The following CDH8 variants were observed in gnomAD, a reference collection of about 807,000 sequenced individuals.
CDH8 encodes the protein cadherin 8.
In CDH8, 17 loss-of-function variants were observed where a neutral mutation model predicts 68.1. The ratio of observed to expected loss-of-function variants is 0.25; its 90% CI spans 0.17 to 0.37. The LOEUF is 0.37. CDH8 is among the 10% of genes least tolerant of loss of function. The pLI, the probability that CDH8 is intolerant of heterozygous loss-of-function variation, is 1.00. For synonymous variants in CDH8, 372 were observed against 365.1 expected, an observed-to-expected ratio of 1.02 and a Z score of -0.21; for missense variants, 763 against 999.3, an observed-to-expected ratio of 0.76 and a Z score of 3.19.
intron 10 of CDH8, among the ~76,000 whole-genome samples, chr16:61,661,294 A>G (rs1963552566): frequency 2.0e-5 from 3 of 151,892 alleles, no homozygotes; most frequent in South Asian, 2.1e-4. Flanking sequence ...TATAATAAAT[A>G]TTCTTGTTAA....
intron 5 of CDH8, among the ~76,000 whole-genome samples, chr16:61,822,862 G>A (rs1030179443): frequency 1.3e-5 from 2 of 151,824 alleles, no homozygotes; most frequent in African/African-American, 4.8e-5. Context: ...CCAAGCAAAT[G>A]GAACATTCTT....
intron 2 of CDH8, among the ~76,000 whole-genome samples, chr16:61,999,447 G>A (rs1204483802): frequency 6.6e-6 from 1 of 152,066 alleles, no homozygotes; most frequent in African/African-American, 2.4e-5. Flanking sequence ...TCCACACAGA[G>A]AGCACGAAGA....
intron 8 of CDH8, among the ~76,000 whole-genome samples, chr16:61,763,717 A>G (rs1960521922): frequency 6.6e-6 from 1 of 152,110 alleles, no homozygotes; most frequent in African/African-American, 2.4e-5. Flanking sequence ...ATTCACATAG[A>G]GTAGATAGAT....
chr16:61,801,154 G>A (rs1465421692), intron 7 of CDH8, among the ~76,000 whole-genome samples: 1 of 149,750 alleles, frequency 6.7e-6, no homozygotes, highest in East Asian at 1.9e-4. Context: ...TTCTTTTTTT[G>A]TTTCTCTCTC....
chr16:61,867,202 G>A (rs766277055), intron 3 of CDH8, among the ~76,000 whole-genome samples: 11 of 152,100 alleles, frequency 7.2e-5, no homozygotes, highest in African/African-American at 2.4e-4. Context: ...TAACTGACAC[G>A]AAATATAATA....
chr16:61,738,736 T>C (rs1014388640), intron 8 of CDH8, among the ~76,000 whole-genome samples: 4 of 152,170 alleles, frequency 2.6e-5, no homozygotes, highest in South Asian at 2.1e-4. Flanking sequence ...TATTTAAGTA[T>C]GCTTACAAAT....
intron 2 of CDH8, among the ~76,000 whole-genome samples, chr16:61,907,619 C>A (rs1366029264): frequency 6.6e-6 from 1 of 150,690 alleles, no homozygotes; most frequent in African/African-American, 2.4e-5. Flanking sequence ...GTCAAGGCTG[C>A]AGTAAGCCAT....
At chr16:61,861,931 T>G (rs1963157674) in intron 3 of CDH8, among the ~76,000 whole-genome samples, 1 of 152,186 alleles carries the variant, frequency 6.6e-6, no homozygotes, top group Non-Finnish European at 1.5e-5. Flanking sequence ...ACTAACAAAC[T>G]AATCTTTTAC....
At chr16:61,890,326 G>A (rs78839317) in intron 3 of CDH8, among the ~76,000 whole-genome samples, 192 of 152,084 alleles carry the variant, frequency 1.3e-3, no homozygotes, top group African/African-American at 4.5e-3. Context: ...CTGTGAATAG[G>A]CCTGGGAGCT....
rs150698383 is a variant in CDH8, at chr16:62,030,653, G to GA, written c.-200+5426dup. Among the ~76,000 whole-genome samples the GA allele has an allele frequency of 8.7e-3, 1,317 of 152,042 alleles. 18 individuals carry two copies. Among genetic ancestry groups the GA allele is most frequent in the African/African-American group, 0.029 (1,223 of 41,474 alleles). ...TTTTATTCATTAATCTATCTAGAGA[G>GA]AAAAAGACATGGAAAATATTGTTCT... On this transcript the variant is annotated intron_variant, in intron 1 of 11. Transcript: ENST00000577390.
chr16:61,653,569 C>A lies in CDH8; in HGVS notation c.*39G>T. 6.4e-7 allele frequency: 1 copy of A among 1,560,746 alleles called. No individual in the cohort carries two copies. The highest frequency in any genetic ancestry group is 8.6e-7 in the Non-Finnish European group (1 of 1,156,350). ...TAAGGGGAGTGACCCTAGAATATTA[C>A]AGAATGCTCAGTTCCAGTGATTTAT... On this transcript the variant is annotated 3_prime_UTR_variant, in exon 12 of 12. Coordinates refer to ENST00000577390, the MANE Select transcript of CDH8 (RefSeq NM_001796.5).
chr16:61,831,495 C>G (rs1275615474), intron 4 of CDH8, among the ~76,000 whole-genome samples: 1 of 151,814 alleles, frequency 6.6e-6, no homozygotes, highest in Non-Finnish European at 1.5e-5. Context: ...CTAAGTTCCT[C>G]TTAGTGCTCA....
At chr16:61,733,944 ATAT>A (rs953242960) in intron 8 of CDH8, among the ~76,000 whole-genome samples, 14 of 152,104 alleles carry the variant, frequency 9.2e-5, no homozygotes, top group African/African-American at 2.6e-4. Flanking sequence ...CTTAAATAAT[ATAT>A]TATTTTTATT....
intron 3 of CDH8, among the ~76,000 whole-genome samples, chr16:61,894,106 C>T (rs534171761): frequency 1.3e-5 from 2 of 152,240 alleles, no homozygotes; most frequent in African/African-American, 4.8e-5. Flanking sequence ...GCAAACACTT[C>T]CTTCATGAAG....
At chr16:61,836,641 G>C (rs1430091195) in intron 4 of CDH8, among the ~76,000 whole-genome samples, 1 of 151,976 alleles carries the variant, frequency 6.6e-6, no homozygotes, top group Non-Finnish European at 1.5e-5. Context: ...CAGGGAGGGA[G>C]TGTCTTCATT....
At chr16:61,710,676 A>G (rs142949532) in intron 10 of CDH8, 1 of 152,106 alleles carries the variant, frequency 6.6e-6, no homozygotes, top group Admixed American at 6.5e-5. Context: ...TACACACATG[A>G]TTTAAAAATT....
At chr16:61,960,780 C>T (rs1965140760) in intron 2 of CDH8, among the ~76,000 whole-genome samples, 1 of 152,146 alleles carries the variant, frequency 6.6e-6, no homozygotes, top group Admixed American at 6.6e-5. Context: ...CGTGGGCAAA[C>T]TGAAGAGTAT....
intron 8 of CDH8, among the ~76,000 whole-genome samples, chr16:61,774,810 G>A (rs1463268695): frequency 2.0e-5 from 3 of 152,070 alleles, no homozygotes; most frequent in Non-Finnish European, 2.9e-5. Context: ...AACCAAATAC[G>A]TATGTGTTAT....
intron 8 of CDH8, among the ~76,000 whole-genome samples, chr16:61,759,442 A>C (rs1403186603): frequency 6.6e-6 from 1 of 152,078 alleles, no homozygotes; most frequent in Non-Finnish European, 1.5e-5. Context: ...CAGTAGTAGG[A>C]GGAGGAAGAG....
Sources: gnomAD v4.1 joint callset for allele counts (sites outside exome capture counted in the v4.1 genomes callset) on GRCh38, gnomAD v4.1.1 for gene constraint, MANE v1.5 for transcripts, NCBI Gene and HGNC (gene_info 2026-07-23, HGNC 2026-07-21) for gene names.